Variants in CRHR2 observed in about 807,000 individuals in gnomAD.
CRHR2 encodes corticotropin releasing hormone receptor 2.
In CRHR2, 53 loss-of-function variants were observed where a neutral mutation model predicts 57.9. That is an observed-to-expected ratio of 0.92 (90% confidence interval 0.73 to 1.15). The LOEUF (loss-of-function observed/expected upper bound fraction) is 1.15, where lower values mean the gene tolerates loss of function less well. CRHR2 is among the 50% of genes most tolerant of loss of function. The pLI, the probability that CRHR2 is intolerant of heterozygous loss-of-function variation, is 0.00. For missense variants in CRHR2, 532 were observed against 542.6 expected (o/e 0.98, Z 0.19); for synonymous variants, 213 against 220.9 (o/e 0.96, Z 0.32).
chr7:30,663,926 C>T (rs1033671583), intron 5 of CRHR2, among the ~76,000 whole-genome samples: 2 of 152,230 alleles, frequency 1.3e-5, no homozygotes, highest in Non-Finnish European at 2.9e-5. Context: ...TCAGATAACC[C>T]TCCTGTGCTG....
chr7:30,664,971 T>A, intron 5 of CRHR2, 99 bp downstream of exon 5: 1 of 939,364 alleles, frequency 1.1e-6, no homozygotes, highest in Non-Finnish European at 1.7e-6. Flanking sequence ...GTGAGCTTCC[T>A]GACAAAGGAG....
At chr7:30,689,407 AG>A in intron 1 of CRHR2, 2 of 820,172 alleles carry the variant, frequency 2.4e-6, no homozygotes, top group Non-Finnish European at 4.0e-6. Context: ...AGGGAGAACA[AG>A]GAGGGAGATG....
chr7:30,694,368 C>G (rs1785015882), intron 1 of CRHR2, among the ~76,000 whole-genome samples: 1 of 152,170 alleles, frequency 6.6e-6, no homozygotes, highest in African/African-American at 2.4e-5. Context: ...GGAATGAGAG[C>G]CAAGACTCCA....
intron 2 of CRHR2, among the ~76,000 whole-genome samples, chr7:30,675,670 C>T (rs527913677): frequency 6.6e-6 from 1 of 152,338 alleles, no homozygotes; most frequent in South Asian, 2.1e-4. Context: ...TGTTCAACAA[C>T]ACTTCCTCCA....
intron 1 of CRHR2, chr7:30,697,885 C>A: frequency 6.6e-6 from 1 of 152,544 alleles, no homozygotes; most frequent in Non-Finnish European, 1.5e-5. Flanking sequence ...CATGCTTCTT[C>A]TGAGCCCATT....
intron 8 of CRHR2, among the ~76,000 whole-genome samples, chr7:30,657,079 C>CCA (rs1354300468): frequency 3.5e-5 from 5 of 142,536 alleles, no homozygotes; most frequent in South Asian, 2.3e-4. Flanking sequence ...GTGCACACAC[C>CCA]CACTCACACA....
rs1418288655 is a variant in CRHR2 at position 30,693,771 on chromosome 7, A to AGAATT, written c.-260-4492_-260-4488dup. ...ATGCCAACTCCAGGAAGATAGCATC[A>AGAATT]GAATTGAATTGAATTGGAGGACACC... On this transcript the variant is annotated intron_variant, in intron 1 of 13. Coordinates refer to the CRHR2 transcript ENST00000341843. Among the ~76,000 whole-genome samples, 7 of 152,352 alleles carry AGAATT rather than the reference A, an allele frequency of 4.6e-5. No homozygotes were observed. In the South Asian group the frequency reaches 1.4e-3, roughly 32 times the overall value.
chr7:30,669,576 T>C (rs1404547666), intron 2 of CRHR2, among the ~76,000 whole-genome samples: 1 of 152,124 alleles, frequency 6.6e-6, no homozygotes, highest in Non-Finnish European at 1.5e-5. Flanking sequence ...GTCTCCTCCT[T>C]TTCTTTTTCC....
chr7:30,686,875 T>C (rs1184194701), upstream of CRHR2, among the ~76,000 whole-genome samples: 2 of 152,244 alleles, frequency 1.3e-5, no homozygotes, highest in Non-Finnish European at 2.9e-5. Context: ...TCATTATTAG[T>C]CTGTGCATTA....
chr7:30,666,827 GC>G (rs1200885255), intron 3 of CRHR2, among the ~76,000 whole-genome samples: 1 of 152,164 alleles, frequency 6.6e-6, no homozygotes, highest in African/African-American at 2.4e-5. Context: ...CATGGGGACA[GC>G]CCTTGGGGGG....
In CRHR2 at chr7:30,665,791, G is replaced by T. The variant is rs1784168554; in HGVS notation, c.316-152C>A. ...TGCCTGGCTCTTAGGGTTCGTTCCT[G>T]TTGGCCCTGGGTGGCTCTTGTTGTT... is the stretch of plus-strand genomic sequence containing the variant. On this transcript the variant is annotated intron_variant, in intron 3 of 11. Coordinates refer to ENST00000471646, the MANE Select transcript of CRHR2 (RefSeq NM_001883.5). This position sits in a 1 kb window ranked among gnomAD's most constrained non-coding sequence, Gnocchi z 4.5. 1 of 635,750 alleles carries T rather than the reference G, an allele frequency of 1.6e-6. No individual in the cohort carries two copies. The highest frequency in any genetic ancestry group is 2.8e-6 in the Non-Finnish European group (1 of 358,960). 39.4% of individuals were successfully genotyped at this position (635,750 alleles called of 1,614,324 possible).
intron 2 of CRHR2, among the ~76,000 whole-genome samples, chr7:30,671,133 C>A (rs1398409863): frequency 6.6e-6 from 1 of 152,184 alleles, no homozygotes; most frequent in Non-Finnish European, 1.5e-5. Context: ...TAAGCCCCTT[C>A]CCTCTTGGTC....
At chr7:30,677,549 G>C (rs1390898001) in intron 2 of CRHR2, among the ~76,000 whole-genome samples, 1 of 152,208 alleles carries the variant, frequency 6.6e-6, no homozygotes, top group East Asian at 1.9e-4. Context: ...ATTTGAACCT[G>C]GGTTCGGAGA....
intron 1 of CRHR2, among the ~76,000 whole-genome samples, chr7:30,695,298 C>A (rs535047147): frequency 6.6e-6 from 1 of 152,114 alleles, no homozygotes; most frequent in Admixed American, 6.5e-5. Flanking sequence ...GTGAGAATCC[C>A]CTTGGCCTCC....
Position 30,681,993 on chromosome 7 carries a change from A to G in CRHR2, c.151T>C (p.Trp51Arg). ...AGGGCTCCGGCAGCGCTGCGGGGCCAGCACGTTCCGATCTGGTCCAAGGTC... is the reference window on the plus strand; with the variant it reads ...AGGGCTCCGGCAGCGCTGCGGGGCCGGCACGTTCCGATCTGGTCCAAGGTC... Reference protein sequence around the residue: ...NTTLDQIGTCWPRSAAGALVE... With the variant: ...NTTLDQIGTCRPRSAAGALVE... Residue 51 changes from tryptophan (W) to arginine (R), a missense_variant, in exon 2 of 12, where the codon TGG (tryptophan) becomes CGG (arginine). Coordinates refer to ENST00000471646, the MANE Select transcript of CRHR2 (RefSeq NM_001883.5). The G allele has an allele frequency of 6.2e-7, 1 of 1,607,680 alleles. No individual in the cohort carries two copies. The highest frequency in any genetic ancestry group is 8.5e-7 in the Non-Finnish European group (1 of 1,177,576).
intron 5 of CRHR2, 69 bp from the exon 6 acceptor site, chr7:30,662,916 C>A: frequency 6.4e-7 from 1 of 1,562,580 alleles, no homozygotes; most frequent in Non-Finnish European, 8.7e-7. Flanking sequence ...CATCCCCAGG[C>A]AGGGCAACAA....
At chr7:30,677,555 G>T (rs1451521125) in intron 2 of CRHR2, among the ~76,000 whole-genome samples, 4 of 152,174 alleles carry the variant, frequency 2.6e-5, no homozygotes, top group Non-Finnish European at 5.9e-5. Context: ...ACCTGGGTTC[G>T]GAGAATCCTG....
chr7:30,653,631 C>T lies in CRHR2; in HGVS notation c.1096-31G>A. On this transcript the variant is annotated intron_variant, in intron 11 of 11. Transcript: ENST00000471646. This position sits in a 1 kb window ranked among gnomAD's most constrained non-coding sequence, Gnocchi z 5.0. ...GGGAAGGCAGAGGCTCAGCTGGCTCCCAGGGACCAACCCTGGGCTTCTGGG... is the reference window on the plus strand; with the variant it reads ...GGGAAGGCAGAGGCTCAGCTGGCTCTCAGGGACCAACCCTGGGCTTCTGGG... 6.3e-7 allele frequency: 1 copy of T among 1,588,060 alleles called. No individual in the cohort carries two copies. Among genetic ancestry groups the T allele is most frequent in the Non-Finnish European group, 8.5e-7 (1 of 1,171,282 alleles).
At position 30,675,254 on chromosome 7, in the gene CRHR2, C is replaced by T. The variant is rs1784481863; in HGVS notation, c.229+6661G>A. Among the ~76,000 whole-genome samples, 5 of 152,206 alleles carry T rather than the reference C, an allele frequency of 3.3e-5. No homozygotes were observed. The South Asian group carries it at 1.0e-3, about 31-fold the overall frequency. Reference sequence around the variant, plus strand: ...GCCAAGAAGCCCTGTGGGGAGCTCCCTGAGGATCACTGAGATGGGGCTCCT... The same window carrying T: ...GCCAAGAAGCCCTGTGGGGAGCTCCTTGAGGATCACTGAGATGGGGCTCCT... On this transcript the variant is annotated intron_variant, in intron 2 of 11. Transcript: ENST00000471646.
Sources: allele counts gnomAD v4.1 joint callset (sites outside exome capture counted in the v4.1 genomes callset), GRCh38; gene constraint gnomAD v4.1.1; non-coding constraint Gnocchi (gnomAD v3.1); transcripts MANE v1.5; gene names NCBI Gene and HGNC (gene_info 2026-07-23, HGNC 2026-07-21).